The following PCSK5 variants were observed in gnomAD, a reference collection of about 807,000 sequenced individuals.
PCSK5 encodes prohormone convertase 5.
PCSK5 carries 129 observed loss-of-function variants against 233.2 expected under a neutral mutation model. The observed-to-expected ratio is 0.55, with a 90% CI of 0.48 to 0.64. The LOEUF (loss-of-function observed/expected upper bound fraction) is 0.64, where lower values mean the gene tolerates loss of function less well. Among genes scored for constraint, PCSK5 ranks in the 30% least tolerant of loss-of-function variants. The pLI is 0.00. For synonymous variants in PCSK5, 825 were observed against 879.2 expected (o/e 0.94, Z 1.09); for missense variants, 2,076 against 2,430.1 (o/e 0.85, Z 3.06).
At chr9:76,195,453 T>C (rs1314334749) in intron 20 of PCSK5, 1 of 152,188 alleles carries the variant, frequency 6.6e-6, no homozygotes, top group African/African-American at 2.4e-5. Context: ...GTGCATTCCA[T>C]TTCCCACTGA....
At chr9:76,174,501 G>A (rs978611815) in intron 13 of PCSK5, among the ~76,000 whole-genome samples, 23 of 151,694 alleles carry the variant, frequency 1.5e-4, no homozygotes, top group African/African-American at 4.6e-4. Flanking sequence ...TAGTAGAGAC[G>A]GAGTTTCACC....
chr9:76,252,889 G>A (rs76242986), intron 24 of PCSK5, among the ~76,000 whole-genome samples: 2,307 of 152,234 alleles, frequency 0.015, 55 homozygotes, highest in African/African-American at 0.048. Context: ...AGATATGCAA[G>A]GTTTTCAAGT....
chr9:76,288,602 G>A (rs1828159785), intron 24 of PCSK5, among the ~76,000 whole-genome samples: 1 of 152,124 alleles, frequency 6.6e-6, no homozygotes, highest in African/African-American at 2.4e-5. Context: ...AGCCAGCATG[G>A]CCAGGGCAGC....
chr9:76,354,103 G>A lies in PCSK5; in HGVS notation c.5138G>A (p.Cys1713Tyr). The part of the protein sequence containing the change: ...MECKGPGAKN[C>Y]TLCPANLVLH... ...TGCAAGGGACCAGGGGCCAAGAACT[G>A]CACCTTGTGCCCTGCCAACCTGGTG... Residue 1713 changes from cysteine to tyrosine, a missense_variant, in exon 37 of 38, where the codon TGC becomes TAC. This residue lies in a region of PCSK5 where 1,510 missense variants were observed against 1,538.1 expected (regional missense o/e 0.98). Coordinates refer to ENST00000674117, the MANE Select transcript of PCSK5 (RefSeq NM_001372043.1). 1 of 1,607,100 alleles carries A rather than the reference G, an allele frequency of 6.2e-7. No homozygotes were observed. Among genetic ancestry groups the A allele is most frequent in the South Asian group, 1.1e-5 (1 of 89,622 alleles).
chr9:75,900,362 A>T (rs184092633), intron 1 of PCSK5, among the ~76,000 whole-genome samples: 10 of 152,232 alleles, frequency 6.6e-5, no homozygotes, highest in Middle Eastern at 3.4e-3. Context: ...ATACTCTGTA[A>T]ATGAGAGTTA....
intron 8 of PCSK5, among the ~76,000 whole-genome samples, chr9:76,101,922 C>A (rs1831775751): frequency 6.6e-6 from 1 of 152,186 alleles, no homozygotes; most frequent in Non-Finnish European, 1.5e-5. Context: ...TGTCATCTCT[C>A]CATTTCTTCT....
intron 10 of PCSK5, among the ~76,000 whole-genome samples, 165 bp downstream of exon 10, chr9:76,134,377 G>C (rs1822887806): frequency 6.6e-6 from 1 of 151,884 alleles, no homozygotes; most frequent in Non-Finnish European, 1.5e-5. Context: ...ATTTTTTTAA[G>C]TTAAAACTAC....
At chr9:75,943,105 G>A (rs1042998996) in intron 2 of PCSK5, among the ~76,000 whole-genome samples, 5 of 151,752 alleles carry the variant, frequency 3.3e-5, no homozygotes, top group East Asian at 1.9e-4. Context: ...GGCTGGTCTC[G>A]AACTCCTGAC....
intron 3 of PCSK5, among the ~76,000 whole-genome samples, chr9:75,992,860 T>A (rs1025376724): frequency 1.4e-4 from 22 of 152,158 alleles, no homozygotes; most frequent in Admixed American, 1.2e-3. Context: ...GGAAAAAAAA[T>A]TCATATTTGT....
chr9:76,351,304 C>CA (rs1830115297), intron 36 of PCSK5, among the ~76,000 whole-genome samples: 1 of 151,830 alleles, frequency 6.6e-6, no homozygotes, highest in African/African-American at 2.4e-5. Flanking sequence ...GTGTGAGTAA[C>CA]ATAGGAACCA....
At chr9:76,153,145 A>C in intron 10 of PCSK5, among the ~76,000 whole-genome samples, 1 of 152,200 alleles carries the variant, frequency 6.6e-6, no homozygotes, top group Non-Finnish European at 1.5e-5. Flanking sequence ...CTGAACTCTA[A>C]AGGAACAGAT....
intron 24 of PCSK5, among the ~76,000 whole-genome samples, chr9:76,290,461 C>T (rs1291504842): frequency 2.0e-5 from 3 of 152,188 alleles, no homozygotes; most frequent in Admixed American, 2.0e-4. Context: ...AAACCATTTC[C>T]CTCCCATGAG....
At chr9:75,995,324 A>T (rs1826965896) in intron 3 of PCSK5, among the ~76,000 whole-genome samples, 1 of 152,130 alleles carries the variant, frequency 6.6e-6, no homozygotes, top group African/African-American at 2.4e-5. Context: ...ACAGTTCCTG[A>T]TATATATATA....
intron 7 of PCSK5, among the ~76,000 whole-genome samples, chr9:76,078,640 G>A (rs1417252391): frequency 6.6e-6 from 1 of 152,140 alleles, no homozygotes; most frequent in East Asian, 1.9e-4. Context: ...CTGTAGATGT[G>A]TGGCTTTATT....
chr9:76,106,854 T>G (rs1832000765), intron 8 of PCSK5, among the ~76,000 whole-genome samples: 1 of 152,250 alleles, frequency 6.6e-6, no homozygotes, highest in African/African-American at 2.4e-5. Flanking sequence ...AGTGTCTGGA[T>G]TTGATACAAT....
chr9:76,313,318 G>A (rs1056693908), intron 30 of PCSK5, among the ~76,000 whole-genome samples: 1 of 152,128 alleles, frequency 6.6e-6, no homozygotes, highest in Non-Finnish European at 1.5e-5. Flanking sequence ...CCCTAAAAGT[G>A]TATAATTCAC....
At chr9:76,006,062 C>A (rs577701684) in intron 3 of PCSK5, among the ~76,000 whole-genome samples, 1 of 151,694 alleles carries the variant, frequency 6.6e-6, no homozygotes, top group African/African-American at 2.4e-5. Context: ...TCAAGTCTCA[C>A]CATCTTTCCA....
At chr9:76,274,173 T>C (rs1827620070) in intron 24 of PCSK5, among the ~76,000 whole-genome samples, 1 of 152,122 alleles carries the variant, frequency 6.6e-6, no homozygotes, top group African/African-American at 2.4e-5. Context: ...TTTATATCTA[T>C]CTTTGAGTTT....
rs561091515 is a variant in PCSK5, at chr9:75,918,706, T to C, written c.193-13673T>C. ...GTGGAAAGCAGCACTTTACTAGAAA[T>C]GCTGAAATATTTCATTTATTTCATA... On this transcript the variant is annotated intron_variant, in intron 1 of 37. Coordinates refer to ENST00000674117, the MANE Select transcript of PCSK5 (RefSeq NM_001372043.1). Among the ~76,000 whole-genome samples the C allele has an allele frequency of 2.6e-5, 4 of 152,342 alleles. No homozygotes were observed. In the East Asian group the frequency reaches 5.8e-4, roughly 22 times the overall value.
Sources: gnomAD v4.1 joint callset for allele counts (sites outside exome capture counted in the v4.1 genomes callset) on GRCh38, gnomAD v4.1.1 for gene constraint, gnomAD v4.1.1 regional missense constraint, MANE v1.5 for transcripts, NCBI Gene and HGNC (gene_info 2026-07-23, HGNC 2026-07-21) for gene names.